The following EPHA5 variants were observed in gnomAD, a reference collection of about 807,000 sequenced individuals.
EPHA5 encodes ephrin type-A receptor 5.
EPHA5 carries 60 observed loss-of-function variants against 105.0 expected under a neutral mutation model. That is an observed-to-expected ratio of 0.57 (90% CI 0.46 to 0.71). The LOEUF is 0.71. Ranked by LOEUF, EPHA5 falls within the 30% of genes least tolerant of loss-of-function variation. The pLI is 0.00. For synonymous variants in EPHA5, 513 were observed against 449.1 expected, an observed-to-expected ratio of 1.14 and a Z score of -1.80; for missense variants, 1,218 against 1,274.7, an observed-to-expected ratio of 0.96 and a Z score of 0.68.
chr4:65,518,609 C>T (rs986993353), intron 3 of EPHA5, among the ~76,000 whole-genome samples: 1 of 151,988 alleles, frequency 6.6e-6, no homozygotes, highest in Admixed American at 6.6e-5. Context: ...CCTAGTTTGA[C>T]ATGCATAGAT....
intron 3 of EPHA5, among the ~76,000 whole-genome samples, chr4:65,532,910 G>A (rs532375321): frequency 2.6e-4 from 39 of 151,916 alleles, no homozygotes; most frequent in South Asian, 8.3e-4. Context: ...CAGTTCATTC[G>A]CTCCAATTTT....
chr4:65,435,578 G>C (rs1280153288), intron 5 of EPHA5, among the ~76,000 whole-genome samples: 1 of 151,968 alleles, frequency 6.6e-6, no homozygotes, highest in African/African-American at 2.4e-5. Context: ...TATAAACAAA[G>C]CACTTGTCTA....
intron 5 of EPHA5, among the ~76,000 whole-genome samples, chr4:65,449,213 C>T (rs1337724507): frequency 2.6e-5 from 4 of 151,954 alleles, no homozygotes; most frequent in Admixed American, 2.6e-4. Context: ...AACTCAAATG[C>T]CCAAAATTAT....
At chr4:65,331,261 TA>T in intron 16 of EPHA5, 2 of 1,030,456 alleles carry the variant, frequency 1.9e-6, no homozygotes, top group Non-Finnish European at 2.3e-6. Flanking sequence ...ACAATTAGGC[TA>T]AAACAACCAC....
intron 6 of EPHA5, among the ~76,000 whole-genome samples, chr4:65,417,212 A>T (rs1194988868): frequency 1.3e-5 from 2 of 152,198 alleles, no homozygotes; most frequent in African/African-American, 4.8e-5. Context: ...CAGGGCAATC[A>T]CAGGCAGAAA....
At chr4:65,669,008 C>T (rs1468959193) in intron 1 of EPHA5, among the ~76,000 whole-genome samples, 1 of 152,020 alleles carries the variant, frequency 6.6e-6, no homozygotes, top group African/African-American at 2.4e-5. Context: ...TGCCACCCAC[C>T]CCAGAATAGC....
At chr4:65,367,784 T>C (rs1378252094) in intron 8 of EPHA5, among the ~76,000 whole-genome samples, 2 of 152,054 alleles carry the variant, frequency 1.3e-5, no homozygotes, top group African/African-American at 4.8e-5. Context: ...CTGAATGAAC[T>C]GCCCAAAAAT....
intron 3 of EPHA5, among the ~76,000 whole-genome samples, chr4:65,577,045 T>G (rs1741129957): frequency 6.6e-6 from 1 of 152,192 alleles, no homozygotes; most frequent in African/African-American, 2.4e-5. Context: ...ACACTGTTGC[T>G]GATAGAATGT....
chr4:65,650,281 C>T (rs1271703432), intron 1 of EPHA5, among the ~76,000 whole-genome samples: 1 of 151,800 alleles, frequency 6.6e-6, no homozygotes, highest in East Asian at 1.9e-4. Flanking sequence ...GGCGCGGTGG[C>T]TCACGCCTGT....
chr4:65,494,768 T>A lies in EPHA5; in HGVS notation c.1066+620A>T, dbSNP rs541142329. On this transcript the variant is annotated intron_variant, in intron 4 of 16. Transcript: ENST00000613740. Reference sequence around the variant, plus strand: ...CTGCTTGAGAACCCTAGCAAAAAAATTGGTGTATGTATGACTCTGATCTGA... The same window carrying A: ...CTGCTTGAGAACCCTAGCAAAAAAAATGGTGTATGTATGACTCTGATCTGA... Among the ~76,000 whole-genome samples, 15 of 152,106 alleles carry A rather than the reference T, an allele frequency of 9.9e-5. No homozygotes were observed. The South Asian group carries it at 2.9e-3, about 29-fold the overall frequency.
intron 2 of EPHA5, among the ~76,000 whole-genome samples, chr4:65,628,157 A>G (rs1019930082): frequency 6.6e-6 from 1 of 152,132 alleles, no homozygotes; most frequent in Admixed American, 6.5e-5. Flanking sequence ...GGCTAATAAT[A>G]TGAAGAATCC....
intron 1 of EPHA5, among the ~76,000 whole-genome samples, chr4:65,657,601 T>C (rs1376450804): frequency 6.6e-6 from 1 of 152,168 alleles, no homozygotes. Context: ...TTGGTAACTT[T>C]TCAGTTTAAG....
chr4:65,466,041 G>A (rs1455115755), intron 5 of EPHA5, among the ~76,000 whole-genome samples: 1 of 152,236 alleles, frequency 6.6e-6, no homozygotes, highest in East Asian at 1.9e-4. Context: ...TAGTGTTAGA[G>A]GGTAATATGT....
At chr4:65,623,110 C>T (rs1421191721) in intron 2 of EPHA5, among the ~76,000 whole-genome samples, 1 of 151,984 alleles carries the variant, frequency 6.6e-6, no homozygotes, top group South Asian at 2.1e-4. Context: ...TTATTTGAAA[C>T]TTGAAAATCA....
intron 5 of EPHA5, among the ~76,000 whole-genome samples, chr4:65,460,686 G>A (rs1313778819): frequency 6.6e-6 from 1 of 151,748 alleles, no homozygotes; most frequent in East Asian, 1.9e-4. Context: ...AGTGTTCACA[G>A]TAGTTTTTTC....
chr4:65,436,906 G>A (rs1266887722), intron 5 of EPHA5, among the ~76,000 whole-genome samples: 2 of 151,842 alleles, frequency 1.3e-5, no homozygotes, highest in East Asian at 3.9e-4. Flanking sequence ...TTTAGAAAAT[G>A]ATGCCAGGCT....
chr4:65,387,727 T>A (rs978957811), intron 8 of EPHA5, among the ~76,000 whole-genome samples: 1 of 152,116 alleles, frequency 6.6e-6, no homozygotes, highest in South Asian at 2.1e-4. Context: ...GAGGTTCCCA[T>A]GTATTACAAA....
chr4:65,612,094 T>C (rs1744834081), intron 2 of EPHA5, among the ~76,000 whole-genome samples: 1 of 149,746 alleles, frequency 6.7e-6, no homozygotes, highest in African/African-American at 2.5e-5. Context: ...CTACTGTCAG[T>C]ACGTTGTCCA....
chr4:65,333,248 A>G (rs1484919910), intron 15 of EPHA5, among the ~76,000 whole-genome samples: 1 of 151,622 alleles, frequency 6.6e-6, no homozygotes, highest in Non-Finnish European at 1.5e-5. Flanking sequence ...CTATAAGAAA[A>G]AGGACACAAA....
Sources: allele counts gnomAD v4.1 joint callset (sites outside exome capture counted in the v4.1 genomes callset), GRCh38; gene constraint gnomAD v4.1.1; transcripts MANE v1.5; gene names NCBI Gene and HGNC (gene_info 2026-07-23, HGNC 2026-07-21).